Variants in TTC3 observed in about 807,000 individuals in gnomAD.
TTC3 encodes the protein E3 ubiquitin-protein ligase TTC3.
A neutral mutation model predicts 249.6 loss-of-function variants in TTC3; 180 were observed. The ratio of observed to expected loss-of-function variants is 0.72; its 90% CI spans 0.64 to 0.82. The LOEUF is 0.82. TTC3 is among the 40% of genes least tolerant of loss of function. The pLI, the probability that TTC3 is intolerant of heterozygous loss-of-function variation, is 0.00. For missense variants in TTC3, 2,061 were observed against 2,398.4 expected (o/e 0.86, Z 2.94); for synonymous variants, 717 against 805.0 (o/e 0.89, Z 1.85).
intron 34 of TTC3, among the ~76,000 whole-genome samples, chr21:37,171,620 A>G (rs2081797249): frequency 6.6e-6 from 1 of 152,218 alleles, no homozygotes; most frequent in Non-Finnish European, 1.5e-5. Context: ...TAAAGTCTTA[A>G]ACCATAAAGT....
intron 44 of TTC3, among the ~76,000 whole-genome samples, chr21:37,198,543 A>T (rs1426842662): frequency 6.6e-6 from 1 of 152,248 alleles, no homozygotes; most frequent in Admixed American, 6.5e-5. Flanking sequence ...CGAAGATATA[A>T]AAGCTGACTT....
Position 37,129,003 on chromosome 21 carries a change from G to T in TTC3, c.1298G>T (p.Ser433Ile), listed in dbSNP as rs2077256917. 1 of 1,587,458 alleles carries T rather than the reference G, an allele frequency of 6.3e-7. No homozygotes were observed. Among genetic ancestry groups the T allele is most frequent in the African/African-American group, 1.4e-5 (1 of 73,012 alleles). Residue 433 changes from serine to isoleucine, a missense_variant and splice_region_variant, in exon 16 of 46, where the codon AGT (serine) becomes ATT (isoleucine). By Grantham distance (142) the Ser-to-Ile change is moderately radical. Coordinates refer to ENST00000355666, the Ensembl canonical transcript of TTC3. ...GGAACAAATACTTTTGTGTTCACAG[G>T]TCAGCCTCCAAAACATAAAGGAAAA... is the stretch of plus-strand genomic sequence containing the variant.
chr21:37,192,301 G>T, intron 41 of TTC3, 88 bp downstream of exon 41: 1 of 836,482 alleles, frequency 1.2e-6, no homozygotes, highest in South Asian at 2.0e-5. Flanking sequence ...TTTCCTGGGA[G>T]TGAGGATGAG....
chr21:37,143,650 G>A (rs1394929606), intron 20 of TTC3, among the ~76,000 whole-genome samples: 1 of 151,390 alleles, frequency 6.6e-6, no homozygotes, highest in Admixed American at 6.6e-5. Context: ...TGGTGGGACT[G>A]TAAACTAGTT....
In TTC3 at chr21:37,093,611, G is replaced by T. The variant is rs75034981; in HGVS notation, c.602-394G>T. 8.6e-3 allele frequency among the ~76,000 whole-genome samples: 1,301 copies of T among 152,124 alleles called. 71 individuals carry two copies. The East Asian group carries it at 0.17, about 20-fold the overall frequency. On this transcript the variant is annotated intron_variant, in intron 7 of 45. Transcript: ENST00000355666. ...TTCATGCATTTTTATTGAATATTGT[G>T]CATGGTACACCATACATGCTTGACA...
chr21:37,152,820 TTTC>T, intron 26 of TTC3, 128 bp from the exon 27 acceptor site: 1 of 726,686 alleles, frequency 1.4e-6, no homozygotes, highest in Non-Finnish European at 2.1e-6. Flanking sequence ...CTAATTAAAG[TTTC>T]TTGAGTTTAG....
At chr21:37,184,428 A>T (rs2083039168) in intron 36 of TTC3, among the ~76,000 whole-genome samples, 1 of 151,140 alleles carries the variant, frequency 6.6e-6, no homozygotes, top group Non-Finnish European at 1.5e-5. Flanking sequence ...CACAATTTAA[A>T]GATAAGCCAC....
At chr21:37,105,453 A>G (rs2074985448) in intron 10 of TTC3, among the ~76,000 whole-genome samples, 1 of 152,206 alleles carries the variant, frequency 6.6e-6, no homozygotes, top group Admixed American at 6.5e-5. Context: ...CTCAGAATGT[A>G]GGATGGCTGC....
intron 13 of TTC3, among the ~76,000 whole-genome samples, chr21:37,124,198 C>T (rs576361031): frequency 1.6e-5 from 2 of 123,476 alleles, no homozygotes; most frequent in African/African-American, 6.2e-5. Context: ...TCACTGAAAC[C>T]TCCGCCTACT....
chr21:37,196,086 G>A, intron 42 of TTC3, 50 bp downstream of exon 42: 3 of 1,591,076 alleles, frequency 1.9e-6, no homozygotes, highest in Non-Finnish European at 2.6e-6. Flanking sequence ...ATCGAACTGA[G>A]GTTTCCTGAT....
At chr21:37,117,857 A>G (rs2076283355) in intron 11 of TTC3, among the ~76,000 whole-genome samples, 1 of 150,102 alleles carries the variant, frequency 6.7e-6, no homozygotes, top group Non-Finnish European at 1.5e-5. Context: ...AAAAAAAGAA[A>G]AAAGAAAAAA....
intron 39 of TTC3, among the ~76,000 whole-genome samples, chr21:37,189,586 C>T (rs1466688254): frequency 6.6e-6 from 1 of 151,604 alleles, no homozygotes; most frequent in African/African-American, 2.4e-5. Flanking sequence ...CTCGCTCTGT[C>T]GCCCATGCTG....
chr21:37,088,980 T>G, intron 5 of TTC3, 94 bp downstream of exon 5: 1 of 1,101,778 alleles, frequency 9.1e-7, no homozygotes, highest in African/African-American at 1.6e-5. Context: ...TTATAGCAAT[T>G]AACAGGTAAT....
rs984529799 is a variant in TTC3 at position 37,082,615 on chromosome 21, A to C, written c.-11-4632A>C. 3 of 985,268 alleles carry C rather than the reference A, an allele frequency of 3.0e-6. No homozygotes were observed. The African/African-American group carries it at 5.2e-5, about 17-fold the overall frequency. 61.0% of individuals were successfully genotyped at this position (985,268 alleles called of 1,614,324 possible). A position where few individuals can be genotyped will look rare whatever the true frequency, so the allele number is the denominator to read the frequency against. On this transcript the variant is annotated intron_variant, in intron 1 of 45. Transcript: ENST00000355666. ...CTACTTGTAGCACTAAACTGTAGCC[A>C]GGTTTAATTTCTAGCTCAAGGTTTG...
At chr21:37,104,588 CAAAAAAAAAAA>C (rs141618903) in intron 10 of TTC3, among the ~76,000 whole-genome samples, 2 of 104,334 alleles carry the variant, frequency 1.9e-5, no homozygotes, top group South Asian at 3.3e-4. Flanking sequence ...AACTCCGTCT[CAAAAAAAAAAA>C]AAAAAAAAAA....
chr21:37,091,337 A>C (rs747626402), exon 7 of TTC3: 1 of 1,611,718 alleles, frequency 6.2e-7, no homozygotes, highest in African/African-American at 1.3e-5. Context: ...TAAAATATGC[A>C]GGCGATGTAA....
exon 2 of TTC3, chr21:37,087,362 T>C (rs2072636168): frequency 1.9e-6 from 3 of 1,613,992 alleles, no homozygotes; most frequent in African/African-American, 1.3e-5. Flanking sequence ...TTATGAGCAA[T>C]GATTATGTTC....
chr21:37,147,328 A>T (rs1380125625), intron 21 of TTC3, among the ~76,000 whole-genome samples, 153 bp from the exon 22 acceptor site: 1 of 152,182 alleles, frequency 6.6e-6, no homozygotes, highest in Non-Finnish European at 1.5e-5. Context: ...AAAAGGAAAA[A>T]CTTTAAAAGT....
chr21:37,140,794 T>C (rs2078372255), intron 20 of TTC3, 121 bp downstream of exon 20: 1 of 592,676 alleles, frequency 1.7e-6, no homozygotes, highest in Non-Finnish European at 2.6e-6. Context: ...ATCATAATTG[T>C]GATTTACTTT....
Sources: allele counts gnomAD v4.1 joint callset (sites outside exome capture counted in the v4.1 genomes callset), GRCh38; gene constraint gnomAD v4.1.1; transcripts MANE v1.5; gene names NCBI Gene and HGNC (gene_info 2026-07-23, HGNC 2026-07-21).